Variants in BMP1 observed in about 807,000 individuals in gnomAD.
The protein encoded by BMP1 is bone morphogenetic protein 1, also known as mammalian tolloid protein.
In BMP1, 63 loss-of-function variants were observed where a neutral mutation model predicts 116.8. The observed-to-expected ratio is 0.54, with a 90% CI of 0.44 to 0.67. The LOEUF is 0.67. Ranked by LOEUF, BMP1 falls within the 30% of genes least tolerant of loss-of-function variation. The pLI is 0.00. For missense variants in BMP1, 1,183 were observed against 1,358.9 expected (o/e 0.87, Z 2.04); for synonymous variants, 536 against 533.4 (o/e 1.00, Z -0.07).
chr8:22,209,008 C>T lies in BMP1; in HGVS notation c.2576-437C>T, dbSNP rs115381905. Among the ~76,000 whole-genome samples, 594 of 152,358 alleles carry T rather than the reference C, an allele frequency of 3.9e-3. 7 individuals carry two copies. Among genetic ancestry groups the T allele is most frequent in the African/African-American group, 0.013 (547 of 41,578 alleles). On this transcript the variant is annotated intron_variant, in intron 18 of 19. Transcript: ENST00000306385. Reference sequence around the variant, plus strand: ...TCAGACCTGCTATGTTTGGCCCACACTGTGTTTTTTTTAAAAATGTGAGCC... The same window carrying T: ...TCAGACCTGCTATGTTTGGCCCACATTGTGTTTTTTTTAAAAATGTGAGCC...
chr8:22,174,340 A>T (rs950242063), intron 2 of BMP1, among the ~76,000 whole-genome samples: 1 of 152,100 alleles, frequency 6.6e-6, no homozygotes, highest in African/African-American at 2.4e-5. Flanking sequence ...TATTGAAAGG[A>T]TTTGCTCCTA....
intron 2 of BMP1, among the ~76,000 whole-genome samples, chr8:22,175,247 T>C (rs1427766444): frequency 2.0e-5 from 3 of 152,182 alleles, no homozygotes; most frequent in Admixed American, 2.0e-4. Context: ...CCACATGCCT[T>C]AGAGCTCCTA....
intron 15 of BMP1, chr8:22,201,273 C>T (rs1021184454): frequency 7.8e-6 from 12 of 1,544,124 alleles, no homozygotes; most frequent in African/African-American, 4.2e-5. Flanking sequence ...ATGGGGGCTT[C>T]GGTGCCCACC....
chr8:22,167,618 G>C (rs541112585), intron 1 of BMP1, among the ~76,000 whole-genome samples: 1 of 152,220 alleles, frequency 6.6e-6, no homozygotes, highest in Non-Finnish European at 1.5e-5. Flanking sequence ...TCATGCTAGG[G>C]TGGGGCTGGC....
intron 15 of BMP1, chr8:22,199,313 CAAG>C: frequency 7.3e-7 from 1 of 1,360,642 alleles, no homozygotes; most frequent in Non-Finnish European, 9.8e-7. Flanking sequence ...GACCCTAAGC[CAAG>C]AAGGAGAAGA....
At chr8:22,172,170 ACT>A (rs1031030077) in intron 1 of BMP1, among the ~76,000 whole-genome samples, 22 of 152,098 alleles carry the variant, frequency 1.4e-4, no homozygotes, top group Admixed American at 1.2e-3. Flanking sequence ...CCTGTATAGC[ACT>A]CTGCCTGGAT....
At chr8:22,170,136 C>A (rs1392274560) in intron 1 of BMP1, 1 of 152,990 alleles carries the variant, frequency 6.5e-6, no homozygotes, top group Non-Finnish European at 1.5e-5. Context: ...CATCCTCACT[C>A]CAGGAGCTCA....
intron 16 of BMP1, among the ~76,000 whole-genome samples, chr8:22,204,537 A>C (rs948122097): frequency 1.4e-4 from 21 of 152,314 alleles, no homozygotes; most frequent in East Asian, 7.7e-4. Context: ...AGCCTGGGCA[A>C]CATGGCAACA....
At chr8:22,204,727 C>CA (rs1829321604) in intron 16 of BMP1, among the ~76,000 whole-genome samples, 2 of 139,640 alleles carry the variant, frequency 1.4e-5, no homozygotes, top group African/African-American at 2.6e-5. Context: ...TGTCCCCCCC[C>CA]ACCCCGCCCG....
At chr8:22,196,981 G>A (rs1438742589) in intron 14 of BMP1, 141 bp downstream of exon 14, 12 of 1,270,086 alleles carry the variant, frequency 9.4e-6, no homozygotes, top group East Asian at 2.5e-5. Context: ...CCCAGCTCAC[G>A]AAGCACAGGA....
chr8:22,201,564 G>A (rs555433270), intron 15 of BMP1: 1 of 1,412,396 alleles, frequency 7.1e-7, no homozygotes, highest in East Asian at 2.6e-5. Flanking sequence ...GGTCCGCTCG[G>A]ACCCCCATCC....
chr8:22,209,795 G>A (rs1829429116), intron 19 of BMP1, 100 bp downstream of exon 19: 3 of 1,377,684 alleles, frequency 2.2e-6, no homozygotes, highest in Non-Finnish European at 3.0e-6. Context: ...GCCCACACAG[G>A]CCCCGGAAGT....
Position 22,177,840 on chromosome 8 carries a change from T to A in BMP1, c.731-12T>A. ...CTCCTCTCCCCCCACACCCTTTTCC[T>A]GATCTTGGCAGGGCAGGAGTATAAC... On this transcript the variant is annotated splice_polypyrimidine_tract_variant and intron_variant, in intron 5 of 19. Coordinates refer to ENST00000306385, the MANE Select transcript of BMP1 (RefSeq NM_006129.5). 6.3e-7 allele frequency: 1 copy of A among 1,582,708 alleles called. No individual in the cohort carries two copies.
chr8:22,194,683 G>T lies in BMP1; in HGVS notation c.1444-41G>T. 1 of 1,592,174 alleles carries T rather than the reference G, an allele frequency of 6.3e-7. No homozygotes were observed. The highest frequency in any genetic ancestry group is 1.3e-5 in the African/African-American group (1 of 74,442). ...TTGGGCTCCCAGGGGTGGGTCTCTGGCAGCCAGAGCCCCTTCCACTGATGA... is the reference window on the plus strand; with the variant it reads ...TTGGGCTCCCAGGGGTGGGTCTCTGTCAGCCAGAGCCCCTTCCACTGATGA... On this transcript the variant is annotated intron_variant, in intron 11 of 19. Coordinates refer to ENST00000306385, the MANE Select transcript of BMP1 (RefSeq NM_006129.5). This position sits in a 1 kb window ranked among gnomAD's most constrained non-coding sequence, Gnocchi z 4.5.
chr8:22,210,468 T>TCACACA (rs1554488560), intron 19 of BMP1, among the ~76,000 whole-genome samples: 6 of 135,560 alleles, frequency 4.4e-5, no homozygotes, highest in African/African-American at 1.8e-4. Flanking sequence ...TCTCTCTCTC[T>TCACACA]CACACACATA....
chr8:22,179,879 G>A lies in BMP1; in HGVS notation c.961+50G>A, dbSNP rs1364683124. 1 of 1,564,454 alleles carries A rather than the reference G, an allele frequency of 6.4e-7. No homozygotes were observed. The highest frequency in any genetic ancestry group is 8.7e-7 in the Non-Finnish European group (1 of 1,148,872). On this transcript the variant is annotated intron_variant, in intron 7 of 19. Transcript: ENST00000306385. This position sits in a 1 kb window ranked among gnomAD's most constrained non-coding sequence, Gnocchi z 4.6. ...AGGGCGTGGAGGGCAGGGCCTGAGG[G>A]AGGCAGAGGCCAGGTGCCTGGTGCC...
At chr8:22,178,048 C>T (rs1306002264) in intron 6 of BMP1, 91 bp downstream of exon 6, 2 of 1,099,338 alleles carry the variant, frequency 1.8e-6, no homozygotes, top group Non-Finnish European at 2.6e-6. Flanking sequence ...ACTTCTGGGG[C>T]AGTGACCCAG....
rs201834665 is a variant in BMP1, at chr8:22,176,183, C to T, written c.303C>T (p.Asn101=). The stretch of plus-strand genomic sequence containing the variant: ...CTACCCCCAGCTGCCAGAGCACCAA[C>T]GGGCAGCCTCAGAGGGGAGCCTGTG... ...NTSTPSCQST[N]GQPQRGACGR... The change falls in exon 3 of 20, where the codon AAC becomes AAT. Residue 101 remains asparagine (N), a synonymous_variant. Transcript: ENST00000306385. 61 of 1,614,146 alleles carry T rather than the reference C, an allele frequency of 3.8e-5. No individual in the cohort carries two copies. Among genetic ancestry groups the T allele is most frequent in the South Asian group, 7.7e-5 (7 of 91,084 alleles).
chr8:22,207,091 A>G, intron 17 of BMP1, 110 bp downstream of exon 17: 1 of 1,522,866 alleles, frequency 6.6e-7, no homozygotes, highest in Non-Finnish European at 8.9e-7. Flanking sequence ...CATCCCCAGG[A>G]GACCCCAAGT....
Sources: allele counts gnomAD v4.1 joint callset (sites outside exome capture counted in the v4.1 genomes callset), GRCh38; gene constraint gnomAD v4.1.1; non-coding constraint Gnocchi (gnomAD v3.1); transcripts MANE v1.5; gene names NCBI Gene and HGNC (gene_info 2026-07-23, HGNC 2026-07-21).